The following PIWIL3 variants were observed in gnomAD, a reference collection of about 807,000 sequenced individuals.
PIWIL3 encodes the protein piwi-like protein 3.
In PIWIL3, 101 loss-of-function variants were observed where a neutral mutation model predicts 109.7. The observed-to-expected ratio is 0.92, with a 90% CI of 0.78 to 1.09. PIWIL3 has a LOEUF of 1.09. Among genes scored for constraint, PIWIL3 ranks in the 50% least tolerant of loss-of-function variants. The probability of loss-of-function intolerance (pLI) is 0.00; values close to 1 mark genes in which losing one functional copy is unlikely to be tolerated. For missense variants in PIWIL3, 1,031 were observed against 1,072.6 expected (o/e 0.96, Z 0.54); for synonymous variants, 373 against 376.4 (o/e 0.99, Z 0.10).
At chr22:24,736,265 C>T (rs535533130) in intron 12 of PIWIL3, among the ~76,000 whole-genome samples, 1 of 152,188 alleles carries the variant, frequency 6.6e-6, no homozygotes, top group African/African-American at 2.4e-5. Flanking sequence ...TATTTTGCAT[C>T]GGCCTATAAT....
intron 14 of PIWIL3, among the ~76,000 whole-genome samples, chr22:24,732,767 G>A (rs1012531771): frequency 2.6e-5 from 4 of 152,140 alleles, no homozygotes; most frequent in African/African-American, 4.8e-5. Flanking sequence ...AGCTTGAGCC[G>A]AGATCACGCC....
At chr22:24,759,847 T>G in intron 3 of PIWIL3, 22 bp downstream of exon 3, 1 of 1,613,898 alleles carries the variant, frequency 6.2e-7, no homozygotes, top group Non-Finnish European at 8.5e-7. Flanking sequence ...CTGCCCCTCA[T>G]GTCCTTCTTG....
At chr22:24,725,233 G>GT (rs1480942965) in intron 17 of PIWIL3, among the ~76,000 whole-genome samples, 196 bp from the exon 18 acceptor site, 1 of 152,208 alleles carries the variant, frequency 6.6e-6, no homozygotes, top group East Asian at 1.9e-4. Flanking sequence ...GGTGGAGGTG[G>GT]TGGAGGTGGG....
At chr22:24,767,538 C>T (rs1307448116) in intron 1 of PIWIL3, among the ~76,000 whole-genome samples, 3 of 144,136 alleles carry the variant, frequency 2.1e-5, no homozygotes, top group African/African-American at 7.8e-5. Context: ...GCAACAAAGG[C>T]GAAACTCTGT....
chr22:24,729,870 A>G (rs1178395374), intron 14 of PIWIL3, among the ~76,000 whole-genome samples: 1 of 151,236 alleles, frequency 6.6e-6, no homozygotes, highest in African/African-American at 2.4e-5. Context: ...GGCATATAGT[A>G]GCTTTTGGTG....
intron 16 of PIWIL3, among the ~76,000 whole-genome samples, chr22:24,727,485 C>T (rs1923066480): frequency 6.6e-6 from 1 of 151,654 alleles, no homozygotes; most frequent in South Asian, 2.1e-4. Flanking sequence ...TGACGGTCAA[C>T]AACAACAACA....
intron 14 of PIWIL3, 146 bp downstream of exon 14, chr22:24,733,938 A>ATC (rs1601828811): frequency 1.4e-6 from 1 of 740,418 alleles, no homozygotes; most frequent in East Asian, 3.1e-5. Context: ...TAAACCATGA[A>ATC]AGTTTGTATT....
intron 9 of PIWIL3, among the ~76,000 whole-genome samples, chr22:24,751,081 G>A: frequency 6.6e-6 from 1 of 151,710 alleles, no homozygotes; most frequent in East Asian, 2.0e-4. Context: ...TAGAGATCAT[G>A]CCACTGCATT....
At chr22:24,748,077 A>G (rs866124591) in intron 12 of PIWIL3, among the ~76,000 whole-genome samples, 14 of 150,944 alleles carry the variant, frequency 9.3e-5, no homozygotes, top group Admixed American at 4.0e-4. Flanking sequence ...ATACATATAC[A>G]CAATGGAGTA....
Position 24,749,811 on chromosome 22 carries a change from T to G in PIWIL3, c.1098A>C (p.Lys366Asn). 2 of 1,613,518 alleles carry G rather than the reference T, an allele frequency of 1.2e-6. No individual in the cohort carries two copies. Among genetic ancestry groups the G allele is most frequent in the Non-Finnish European group, 1.7e-6 (2 of 1,179,758 alleles). ...TYIDYYRQQH[K>N]EIVTVKKQPL... ...GCTGTTTCTTCACTGTGACAATTTC[T>G]TTATGTTGCTGCTCAACAAACAAGA... The change falls in exon 10 of 21, where the codon AAA (lysine) becomes AAC (asparagine). Residue 366 changes from lysine (K) to asparagine (N), a missense_variant. By Grantham distance (94) the Lys-to-Asn change is moderately conservative. Transcript: ENST00000616349.
chr22:24,755,859 A>C lies in PIWIL3; in HGVS notation c.617T>G (p.Ile206Ser). ...GAGTTCTTTGGAAAACTCAACTGTA[A>C]TCTTCACGATGTTTTTGTCTTTGGT... ...STTKDKNIVKITVEFSKELTP... is the reference protein window; with the variant it reads ...STTKDKNIVKSTVEFSKELTP... Residue 206 changes from isoleucine to serine, a missense_variant, in exon 6 of 21, where the codon ATT becomes AGT. By Grantham distance (142) the Ile-to-Ser change is moderately radical (BLOSUM62 -2). Coordinates refer to ENST00000616349, the MANE Select transcript of PIWIL3 (RefSeq NM_001255975.1). 1 of 1,613,952 alleles carries C rather than the reference A, an allele frequency of 6.2e-7. No individual in the cohort carries two copies. The highest frequency in any genetic ancestry group is 8.5e-7 in the Non-Finnish European group (1 of 1,179,896).
chr22:24,760,119 A>G, intron 2 of PIWIL3, 130 bp from the exon 3 acceptor site: 1 of 1,268,760 alleles, frequency 7.9e-7, no homozygotes, highest in South Asian at 1.4e-5. Context: ...ACATAAACTA[A>G]GTTGTAATAA....
chr22:24,756,951 T>C (rs929320972), intron 4 of PIWIL3, among the ~76,000 whole-genome samples: 1 of 151,504 alleles, frequency 6.6e-6, no homozygotes, highest in Non-Finnish European at 1.5e-5. Flanking sequence ...CAGTGGCAGG[T>C]GCCTATAATC....
intron 2 of PIWIL3, chr22:24,761,862 C>G: frequency 1.3e-6 from 1 of 763,354 alleles, no homozygotes; most frequent in South Asian, 5.9e-5. Flanking sequence ...AACAGTCAAA[C>G]AGCAGAATAA....
intron 2 of PIWIL3, chr22:24,761,968 T>G: frequency 1.0e-6 from 1 of 988,518 alleles, no homozygotes; most frequent in Non-Finnish European, 1.2e-6. Context: ...GATCCTGCTG[T>G]GTGAATGTAA....
Position 24,723,198 on chromosome 22 carries a change from T to A in PIWIL3, c.2289A>T (p.Lys763Asn). Residue 763 changes from lysine (K) to asparagine (N), a missense_variant, in exon 19 of 21, where the codon AAA becomes AAT. By Grantham distance (94) the Lys-to-Asn change is moderately conservative. Coordinates refer to ENST00000616349, the MANE Select transcript of PIWIL3 (RefSeq NM_001255975.1). ...KKRINTRFFL[K>N]HGSNFQNPPP... ...GTGGATTTTGAAAATTGCTTCCATG[T>A]TTAAGAAAAAATCTAGTGTTTATTC... 2 of 1,611,210 alleles carry A rather than the reference T, an allele frequency of 1.2e-6. No individual in the cohort carries two copies. Among genetic ancestry groups the A allele is most frequent in the Non-Finnish European group, 1.7e-6 (2 of 1,177,550 alleles).
chr22:24,737,979 C>CG (rs1923764840), intron 12 of PIWIL3, among the ~76,000 whole-genome samples: 1 of 152,034 alleles, frequency 6.6e-6, no homozygotes, highest in Admixed American at 6.6e-5. Flanking sequence ...GATGAAACCC[C>CG]GTCTTCTACT....
At chr22:24,733,710 C>CA in intron 14 of PIWIL3, among the ~76,000 whole-genome samples, 1 of 84,572 alleles carries the variant, frequency 1.2e-5, no homozygotes, top group East Asian at 5.5e-4. Flanking sequence ...AAAACAACAA[C>CA]AACAAAAAAA....
At chr22:24,728,471 CAAGCTAGAGTCAAT>C in intron 14 of PIWIL3, 97 bp from the exon 15 acceptor site, 2 of 1,404,820 alleles carry the variant, frequency 1.4e-6, no homozygotes. Flanking sequence ...GGAAGACTAA[CAAGCTAGAGTCAAT>C]TTATTAAGAA....
Sources: gnomAD v4.1 joint callset for allele counts (sites outside exome capture counted in the v4.1 genomes callset) on GRCh38, gnomAD v4.1.1 for gene constraint, MANE v1.5 for transcripts, NCBI Gene and HGNC (gene_info 2026-07-23, HGNC 2026-07-21) for gene names.